The following ZFPM2 variants were observed in gnomAD, a reference collection of about 807,000 sequenced individuals.
The protein encoded by ZFPM2 is zinc finger protein, FOG family member 2, also known as zinc finger protein ZFPM2.
Under a neutral mutation model 98.6 loss-of-function variants are expected in ZFPM2, and 20 were observed. The ratio of observed to expected loss-of-function variants is 0.20; its 90% CI spans 0.14 to 0.29. The LOEUF is 0.29. Ranked by LOEUF, ZFPM2 falls within the 10% of genes least tolerant of loss-of-function variation. ZFPM2 has a pLI of 1.00. For synonymous variants in ZFPM2, 518 were observed against 502.7 expected (o/e 1.03, Z -0.41); for missense variants, 1,310 against 1,388.6 (o/e 0.94, Z 0.90).
At chr8:105,475,033 A>G (rs1812984695) in intron 3 of ZFPM2, among the ~76,000 whole-genome samples, 2 of 152,216 alleles carry the variant, frequency 1.3e-5, no homozygotes, top group Admixed American at 1.3e-4. Context: ...ATTTAATACA[A>G]AGTTCCTGAT....
At chr8:105,349,690 T>C (rs1812606727) in intron 1 of ZFPM2, among the ~76,000 whole-genome samples, 1 of 152,188 alleles carries the variant, frequency 6.6e-6, no homozygotes, top group Non-Finnish European at 1.5e-5. Context: ...ATGGGAGATG[T>C]AGATGTATTT....
At chr8:105,737,429 C>G (rs931762762) in intron 5 of ZFPM2, 10 of 153,484 alleles carry the variant, frequency 6.5e-5, no homozygotes, top group African/African-American at 2.4e-4. Context: ...GGTGCAGCAT[C>G]TGTCAGGCAA....
intron 6 of ZFPM2, among the ~76,000 whole-genome samples, chr8:105,796,496 C>T (rs1422828623): frequency 1.3e-5 from 2 of 152,170 alleles, no homozygotes; most frequent in African/African-American, 4.8e-5. Flanking sequence ...AAATAATAAA[C>T]AGTAGTAGCA....
intron 3 of ZFPM2, among the ~76,000 whole-genome samples, chr8:105,479,322 A>G (rs1010753792): frequency 8.5e-5 from 13 of 152,220 alleles, no homozygotes; most frequent in African/African-American, 1.7e-4. Flanking sequence ...TCTATTGTCT[A>G]TAAAACCTGT....
chr8:105,507,843 T>G (rs1813735123), intron 3 of ZFPM2, among the ~76,000 whole-genome samples: 1 of 152,062 alleles, frequency 6.6e-6, no homozygotes, highest in African/African-American at 2.4e-5. Flanking sequence ...ATCAGAAAAC[T>G]GAGGTAGAAT....
At chr8:105,786,576 G>C (rs7822065) in intron 5 of ZFPM2, among the ~76,000 whole-genome samples, 14,023 of 146,166 alleles carry the variant, frequency 0.096, 2,151 homozygotes, top group African/African-American at 0.32. Context: ...ATGAGATAAA[G>C]TGATAAAGAT....
At chr8:105,584,862 ACT>A (rs1480337779) in intron 4 of ZFPM2, among the ~76,000 whole-genome samples, 1 of 152,070 alleles carries the variant, frequency 6.6e-6, no homozygotes, top group Non-Finnish European at 1.5e-5. Flanking sequence ...GTTATTTGTA[ACT>A]CTATGTTTCT....
chr8:105,713,186 C>T (rs1215913919), intron 5 of ZFPM2, among the ~76,000 whole-genome samples: 1 of 152,042 alleles, frequency 6.6e-6, no homozygotes, highest in Non-Finnish European at 1.5e-5. Context: ...TTCATAGTCT[C>T]CCCGGCATGT....
intron 3 of ZFPM2, among the ~76,000 whole-genome samples, chr8:105,471,345 G>C (rs1455378335): frequency 1.3e-5 from 2 of 152,152 alleles, no homozygotes; most frequent in Non-Finnish European, 2.9e-5. Context: ...GGGTGGAAGA[G>C]AGGCAGAAAC....
intron 4 of ZFPM2, among the ~76,000 whole-genome samples, chr8:105,630,250 G>A (rs1363731796): frequency 6.6e-6 from 1 of 152,174 alleles, no homozygotes; most frequent in Admixed American, 6.5e-5. Context: ...CATGGGAAGT[G>A]AACCTAATGA....
At chr8:105,340,925 A>G (rs1439183225) in intron 1 of ZFPM2, among the ~76,000 whole-genome samples, 2 of 151,964 alleles carry the variant, frequency 1.3e-5, no homozygotes, top group East Asian at 3.9e-4. Flanking sequence ...GTTAGACACA[A>G]ATTTCCTAGA....
At chr8:105,543,355 C>T (rs1814622126) in intron 3 of ZFPM2, among the ~76,000 whole-genome samples, 1 of 151,970 alleles carries the variant, frequency 6.6e-6, no homozygotes, top group Admixed American at 6.6e-5. Context: ...GCTTGATGGC[C>T]CACACCTGTG....
chr8:105,446,746 A>T (rs1812378734), intron 3 of ZFPM2, among the ~76,000 whole-genome samples: 1 of 151,972 alleles, frequency 6.6e-6, no homozygotes, highest in South Asian at 2.1e-4. Flanking sequence ...CTACAAAAAA[A>T]TTTCTTCTTC....
At chr8:105,793,944 T>C (rs1276190925) in intron 6 of ZFPM2, among the ~76,000 whole-genome samples, 1 of 152,184 alleles carries the variant, frequency 6.6e-6, no homozygotes, top group Non-Finnish European at 1.5e-5. Context: ...CTTTAAGCAC[T>C]TCTCTGTATT....
intron 5 of ZFPM2, chr8:105,676,001 A>G (rs1810447693): frequency 6.6e-6 from 1 of 152,210 alleles, no homozygotes; most frequent in Non-Finnish European, 1.5e-5. Context: ...GCTTTTCACC[A>G]TTAAACAGTG....
chr8:105,408,964 C>T (rs1243400560), intron 1 of ZFPM2, among the ~76,000 whole-genome samples: 3 of 151,756 alleles, frequency 2.0e-5, no homozygotes, highest in Admixed American at 6.6e-5. Flanking sequence ...CTGTAAAATC[C>T]CACAGACTAC....
intron 2 of ZFPM2, among the ~76,000 whole-genome samples, chr8:105,440,569 A>G (rs370045776): frequency 2.6e-5 from 4 of 152,200 alleles, no homozygotes; most frequent in African/African-American, 9.6e-5. Flanking sequence ...TGGTGAAGGG[A>G]TAGTGCACAA....
chr8:105,712,534 C>G (rs1235837036), intron 5 of ZFPM2, among the ~76,000 whole-genome samples: 2 of 151,940 alleles, frequency 1.3e-5, no homozygotes, highest in Non-Finnish European at 2.9e-5. Context: ...TTTGGGGCGA[C>G]TACAAGCCAT....
chr8:105,769,307 T>C (rs1408561562), intron 5 of ZFPM2, among the ~76,000 whole-genome samples: 1 of 152,048 alleles, frequency 6.6e-6, no homozygotes, highest in Non-Finnish European at 1.5e-5. Flanking sequence ...AAGATAAAAA[T>C]CAGGATCTAT....
Sources: gnomAD v4.1 joint callset for allele counts (sites outside exome capture counted in the v4.1 genomes callset) on GRCh38, gnomAD v4.1.1 for gene constraint, MANE v1.5 for transcripts, NCBI Gene and HGNC (gene_info 2026-07-23, HGNC 2026-07-21) for gene names.